The following EDNRB variants were observed in gnomAD, a reference collection of about 807,000 sequenced individuals.
EDNRB encodes Hirschsprung disease 2.
A neutral mutation model predicts 46.4 loss-of-function variants in EDNRB; 18 were observed. The ratio of observed to expected loss-of-function variants is 0.39; its 90% confidence interval spans 0.27 to 0.57. The LOEUF is 0.57. Among genes scored for constraint, EDNRB ranks in the 20% least tolerant of loss-of-function variants. EDNRB has a pLI of 0.61. For synonymous variants in EDNRB, 213 were observed against 204.9 expected (o/e 1.04, Z -0.34); for missense variants, 434 against 537.5 (o/e 0.81, Z 1.90).
intron 1 of EDNRB, among the ~76,000 whole-genome samples, chr13:77,973,265 T>C (rs1881789886): frequency 6.6e-6 from 1 of 152,202 alleles, no homozygotes; most frequent in South Asian, 2.1e-4. Context: ...TCCTGTATGA[T>C]TTTTATACCA....
At chr13:77,962,591 C>T (rs1337242251) in intron 1 of EDNRB, among the ~76,000 whole-genome samples, 4 of 152,156 alleles carry the variant, frequency 2.6e-5, no homozygotes, top group South Asian at 2.1e-4. Flanking sequence ...TAAAAACTCT[C>T]AACAAATTAG....
intron 6 of EDNRB, chr13:77,899,612 G>T: frequency 4.8e-6 from 2 of 416,674 alleles, no homozygotes; most frequent in Non-Finnish European, 8.8e-6. Flanking sequence ...TTACTTTTTG[G>T]TCAACAATTC....
chr13:77,950,834 T>G (rs2137674106), intron 1 of EDNRB, among the ~76,000 whole-genome samples: 1 of 152,332 alleles, frequency 6.6e-6, no homozygotes, highest in Middle Eastern at 3.4e-3. Flanking sequence ...CAGTTTAATC[T>G]GGTCCCAGTG....
At chr13:77,937,762 G>A (rs1880610865) in intron 1 of EDNRB, among the ~76,000 whole-genome samples, 1 of 152,090 alleles carries the variant, frequency 6.6e-6, no homozygotes, top group African/African-American at 2.4e-5. Flanking sequence ...CTGGCGATGA[G>A]GGGAGAGGTC....
chr13:77,951,845 C>G (rs1881099180), intron 1 of EDNRB, among the ~76,000 whole-genome samples: 1 of 152,160 alleles, frequency 6.6e-6, no homozygotes. Context: ...GGGCCTCTAA[C>G]CCAATCCCAT....
At chr13:77,959,080 G>A (rs1881323704) in intron 1 of EDNRB, among the ~76,000 whole-genome samples, 1 of 152,192 alleles carries the variant, frequency 6.6e-6, no homozygotes, top group Admixed American at 6.5e-5. Flanking sequence ...GATTAAAATA[G>A]AACATTAATA....
chr13:77,905,938 G>A (rs1430483216), intron 1 of EDNRB, among the ~76,000 whole-genome samples: 2 of 151,940 alleles, frequency 1.3e-5, no homozygotes, highest in African/African-American at 4.8e-5. Context: ...AAGGTTTGAA[G>A]AAGGGAAATG....
chr13:77,900,702 C>G (rs1878922218), intron 4 of EDNRB, 48 bp from the exon 5 acceptor site: 2 of 1,610,126 alleles, frequency 1.2e-6, no homozygotes. Context: ...TCATTTTACT[C>G]ATAGCATTCT....
chr13:77,910,764 C>T (rs548083890), intron 1 of EDNRB, among the ~76,000 whole-genome samples: 25 of 151,982 alleles, frequency 1.6e-4, no homozygotes, highest in Non-Finnish European at 3.1e-4. Flanking sequence ...TGCAAGGCAG[C>T]GGTTCTGTCC....
rs34344431 is a variant in EDNRB at position 77,960,860 on chromosome 13, GAA to G, written c.-52+14485_-52+14486del. Among the ~76,000 whole-genome samples, 977 of 115,516 alleles carry G rather than the reference GAA, an allele frequency of 8.5e-3. 4 individuals are homozygous for G. Among genetic ancestry groups the G allele is most frequent in the East Asian group, 0.016 (62 of 3,926 alleles). The allele number at this position is 115,516 out of a possible 152,430, so 75.8% of individuals were successfully genotyped here. A position where few individuals can be genotyped will look rare whatever the true frequency, so the allele number is the denominator to read the frequency against. On this transcript the variant is annotated intron_variant, in intron 1 of 7. Coordinates refer to the EDNRB transcript ENST00000646948. ...TGGAGGAAAATCTACCAAGCAAATG[GAA>G]AAAAAAAAAAAAAAAAGCAGGAGTT...
At chr13:77,907,484 T>C (rs1230268913) in intron 1 of EDNRB, among the ~76,000 whole-genome samples, 3 of 151,930 alleles carry the variant, frequency 2.0e-5, no homozygotes, top group African/African-American at 2.4e-5. Context: ...CATAAACCAA[T>C]TCCTCATTAT....
chr13:77,903,375 A>T lies in EDNRB; in HGVS notation c.597-15T>A. The T allele has an allele frequency of 6.2e-7, 1 of 1,612,868 alleles. No individual in the cohort carries two copies. The highest frequency in any genetic ancestry group is 8.5e-7 in the Non-Finnish European group (1 of 1,179,298). On this transcript the variant is annotated splice_polypyrimidine_tract_variant and intron_variant, in intron 2 of 6. Transcript: ENST00000646607. Reference sequence around the variant, plus strand: ...CAGCTCGATATCTGAAGATAAAAATAGAATTGTATTTTAAGCTGGCATACC... The same window carrying T: ...CAGCTCGATATCTGAAGATAAAAATTGAATTGTATTTTAAGCTGGCATACC...
intron 1 of EDNRB, among the ~76,000 whole-genome samples, chr13:77,936,641 T>C (rs1049102292): frequency 1.3e-5 from 2 of 152,034 alleles, no homozygotes; most frequent in African/African-American, 2.4e-5. Context: ...TGGGCCAGAG[T>C]TCCAGGGGCT....
Position 77,918,407 on chromosome 13 carries a change from T to G in EDNRB, c.167A>C (p.Lys56Thr), listed in dbSNP as rs763764641. ...MTPPTKTLWP[K>T]GSNASLARSL... ...CCGCGCCAGACTGGCGTTGGAACCC[T>G]TGGGCCATAAGGTCTTAGTGGGTGG... The change falls in exon 1 of 7, where the codon AAG becomes ACG. Residue 56 changes from lysine (K) to threonine (T), a missense_variant. Transcript: ENST00000646607. The surrounding 1 kb of genome is among the most constrained non-coding windows in gnomAD (Gnocchi z 4.5). 5.6e-6 allele frequency: 9 copies of G among 1,596,774 alleles called. No homozygotes were observed. In the Admixed American group the frequency reaches 8.6e-5, roughly 15 times the overall value.
At chr13:77,947,613 C>G (rs1393574575) in intron 1 of EDNRB, 1 of 152,118 alleles carries the variant, frequency 6.6e-6, no homozygotes, top group Non-Finnish European at 1.5e-5. Context: ...TTCACCTCTC[C>G]TTAGGCAATC....
chr13:77,932,031 T>G (rs1880423944), intron 1 of EDNRB, among the ~76,000 whole-genome samples: 1 of 142,390 alleles, frequency 7.0e-6, no homozygotes, highest in Admixed American at 7.5e-5. Flanking sequence ...ATAGACTTAA[T>G]TATGTTGGTG....
At chr13:77,910,413 G>T (rs1879513470) in intron 1 of EDNRB, among the ~76,000 whole-genome samples, 1 of 151,968 alleles carries the variant, frequency 6.6e-6, no homozygotes, top group Non-Finnish European at 1.5e-5. Context: ...TTCTGTGTTT[G>T]AACTAGAGTT....
chr13:77,937,523 G>A (rs1028439020), intron 1 of EDNRB, among the ~76,000 whole-genome samples: 2 of 152,178 alleles, frequency 1.3e-5, no homozygotes, highest in African/African-American at 2.4e-5. Context: ...ATGAGAAAGA[G>A]CCTAAATGCT....
upstream of EDNRB, among the ~76,000 whole-genome samples, chr13:77,923,593 T>A (rs571230841): frequency 6.6e-6 from 1 of 152,342 alleles, no homozygotes; most frequent in Admixed American, 6.5e-5. Flanking sequence ...ATATAATTTA[T>A]AATGAGTTTA....
Sources: allele counts gnomAD v4.1 joint callset (sites outside exome capture counted in the v4.1 genomes callset), GRCh38; gene constraint gnomAD v4.1.1; non-coding constraint Gnocchi (gnomAD v3.1); transcripts MANE v1.5; gene names NCBI Gene and HGNC (gene_info 2026-07-23, HGNC 2026-07-21).